The following MLIP variants were observed in gnomAD, a reference collection of about 807,000 sequenced individuals.
MLIP encodes muscular LMNA interacting protein, also known as muscular LMNA-interacting protein.
In MLIP, 79 loss-of-function variants were observed where a neutral mutation model predicts 84.8. That is an observed-to-expected ratio of 0.93 (90% CI 0.78 to 1.12). MLIP has a LOEUF of 1.12. MLIP is among the 50% of genes most tolerant of loss of function. The pLI is 0.00. For synonymous variants in MLIP, 504 were observed against 463.0 expected (o/e 1.09, Z -1.14); for missense variants, 1,257 against 1,160.6 (o/e 1.08, Z -1.21).
intron 11 of MLIP, among the ~76,000 whole-genome samples, chr6:54,222,594 TATTATA>T (rs1780290659): frequency 6.6e-6 from 1 of 152,078 alleles, no homozygotes; most frequent in African/African-American, 2.4e-5. Flanking sequence ...TGTATTTATG[TATTATA>T]CCACCTTTCC....
At chr6:54,101,462 T>A (rs1360052612) in intron 1 of MLIP, among the ~76,000 whole-genome samples, 1 of 152,138 alleles carries the variant, frequency 6.6e-6, no homozygotes, top group Admixed American at 6.6e-5. Context: ...GATGCTTTTA[T>A]TATGCCCCTT....
At chr6:54,063,792 G>A (rs758970871) in intron 1 of MLIP, among the ~76,000 whole-genome samples, 13 of 149,952 alleles carry the variant, frequency 8.7e-5, no homozygotes, top group African/African-American at 3.2e-4. Context: ...TAAAAATCTC[G>A]TTCTAAATTT....
intron 1 of MLIP, among the ~76,000 whole-genome samples, chr6:54,037,306 A>T (rs1050955250): frequency 2.0e-5 from 3 of 151,956 alleles, no homozygotes; most frequent in Non-Finnish European, 2.9e-5. Context: ...ACTCTTGCTA[A>T]TCTTCTATGG....
chr6:54,057,247 T>C (rs920732592), intron 1 of MLIP, among the ~76,000 whole-genome samples: 19 of 152,198 alleles, frequency 1.2e-4, no homozygotes, highest in African/African-American at 4.6e-4. Flanking sequence ...CAATTCCATA[T>C]GGCTGCTACA....
At chr6:54,113,597 AC>A (rs745418881) in intron 1 of MLIP, among the ~76,000 whole-genome samples, 13 of 152,176 alleles carry the variant, frequency 8.5e-5, no homozygotes, top group South Asian at 8.3e-4. Flanking sequence ...AGTTTTTAAA[AC>A]CCTGTCAATA....
At chr6:54,054,821 C>A (rs1765562020) in intron 1 of MLIP, among the ~76,000 whole-genome samples, 1 of 152,178 alleles carries the variant, frequency 6.6e-6, no homozygotes, top group South Asian at 2.1e-4. Context: ...GGAGCCAGAC[C>A]TCTCCTAACG....
intron 9 of MLIP, among the ~76,000 whole-genome samples, chr6:54,184,480 G>A (rs1006554704): frequency 3.3e-5 from 5 of 152,178 alleles, no homozygotes; most frequent in African/African-American, 1.2e-4. Flanking sequence ...AGATTGCAAG[G>A]AATGGAAAAC....
intron 1 of MLIP, among the ~76,000 whole-genome samples, chr6:54,023,874 C>T (rs953323653): frequency 2.0e-5 from 3 of 151,722 alleles, no homozygotes; most frequent in Non-Finnish European, 4.4e-5. Flanking sequence ...CTGGCCCATA[C>T]CACTTATTTT....
At chr6:54,251,032 T>C (rs1250899987) in intron 12 of MLIP, among the ~76,000 whole-genome samples, 6 of 152,190 alleles carry the variant, frequency 3.9e-5, no homozygotes, top group Non-Finnish European at 7.4e-5. Context: ...CTGATTGTTA[T>C]ATCCTTAACA....
chr6:54,054,331 T>C (rs1765527297), intron 1 of MLIP, among the ~76,000 whole-genome samples: 1 of 151,020 alleles, frequency 6.6e-6, no homozygotes, highest in African/African-American at 2.4e-5. Context: ...AACTTGCAAA[T>C]GACACATTGT....
chr6:54,202,689 T>C (rs1459847362), intron 11 of MLIP, among the ~76,000 whole-genome samples: 1 of 151,978 alleles, frequency 6.6e-6, no homozygotes, highest in Non-Finnish European at 1.5e-5. Flanking sequence ...CCCCAGGAGT[T>C]TGAGACAAGC....
intron 1 of MLIP, among the ~76,000 whole-genome samples, chr6:54,097,331 T>C (rs1240110915): frequency 6.6e-6 from 1 of 152,080 alleles, no homozygotes; most frequent in East Asian, 1.9e-4. Flanking sequence ...GAATGGAGGA[T>C]GAGATAAAGA....
intron 9 of MLIP, among the ~76,000 whole-genome samples, chr6:54,185,853 TA>T: frequency 6.6e-6 from 1 of 152,330 alleles, no homozygotes; most frequent in East Asian, 1.9e-4. Context: ...ATTATGAGGT[TA>T]ATAATGAAAA....
intron 1 of MLIP, among the ~76,000 whole-genome samples, chr6:54,052,929 G>A (rs529196762): frequency 1.3e-5 from 2 of 152,224 alleles, no homozygotes; most frequent in East Asian, 1.9e-4. Flanking sequence ...TTGAGGTATT[G>A]TAAGAGGGAG....
intron 1 of MLIP, among the ~76,000 whole-genome samples, chr6:54,050,167 T>C (rs567047965): frequency 6.6e-6 from 1 of 152,244 alleles, no homozygotes; most frequent in Admixed American, 6.5e-5. Context: ...ATGTAAAGGA[T>C]TAAGCCTTGT....
At chr6:54,247,344 A>G (rs572928523) in intron 12 of MLIP, among the ~76,000 whole-genome samples, 2 of 152,164 alleles carry the variant, frequency 1.3e-5, no homozygotes, top group Non-Finnish European at 2.9e-5. Context: ...AAAAACCATC[A>G]TAGCTGTTAG....
At chr6:54,142,819 T>G (rs1257686542) in intron 4 of MLIP, among the ~76,000 whole-genome samples, 2 of 151,916 alleles carry the variant, frequency 1.3e-5, no homozygotes, top group African/African-American at 2.4e-5. Context: ...GTTATAGCAG[T>G]GAAGGTGAAG....
At chr6:54,029,912 A>T (rs925613112) in intron 1 of MLIP, among the ~76,000 whole-genome samples, 1 of 152,122 alleles carries the variant, frequency 6.6e-6, no homozygotes, top group Non-Finnish European at 1.5e-5. Flanking sequence ...CCATTTTCTC[A>T]TGTGTATAAT....
intron 3 of MLIP, among the ~76,000 whole-genome samples, chr6:54,126,290 A>G (rs1024712462): frequency 2.6e-5 from 4 of 152,046 alleles, no homozygotes; most frequent in African/African-American, 9.6e-5. Context: ...TCTTTCTCCA[A>G]CTGATAGTTT....
Sources: gnomAD v4.1 joint callset for allele counts (sites outside exome capture counted in the v4.1 genomes callset) on GRCh38, gnomAD v4.1.1 for gene constraint, MANE v1.5 for transcripts, NCBI Gene and HGNC (gene_info 2026-07-23, HGNC 2026-07-21) for gene names.